Variants in CYB561A3 observed in about 807,000 individuals in gnomAD.
CYB561A3 encodes lysosomal membrane ascorbate-dependent ferrireductase CYB561A3.
In CYB561A3, 16 loss-of-function variants were observed where a neutral mutation model predicts 25.3. The ratio of observed to expected loss-of-function variants is 0.63; its 90% CI spans 0.43 to 0.96. The LOEUF is 0.96. Ranked by LOEUF, CYB561A3 falls within the 40% of genes least tolerant of loss-of-function variation. CYB561A3 has a pLI of 0.00. For missense variants in CYB561A3, 219 were observed against 307.5 expected, an observed-to-expected ratio of 0.71 and a Z score of 2.15; for synonymous variants, 131 against 129.9, an observed-to-expected ratio of 1.01 and a Z score of -0.06.
intron 1 of CYB561A3, chr11:61,361,413 G>A (rs1027985710): frequency 1.3e-5 from 2 of 152,220 alleles, no homozygotes; most frequent in Non-Finnish European, 2.9e-5. Flanking sequence ...TTCAGGCTGT[G>A]CCTAGGTCCG....
intron 1 of CYB561A3, chr11:61,360,183 G>T (rs1180286342): frequency 6.6e-6 from 1 of 152,118 alleles, no homozygotes; most frequent in African/African-American, 2.4e-5. Context: ...AGGCTGAAGT[G>T]AGCCGAGATC....
In CYB561A3 at chr11:61,349,777, A is replaced by G. The variant is rs1857311935; in HGVS notation, c.*622T>C. The stretch of plus-strand genomic sequence containing the variant: ...CACTCCCCCTTTCTGCAATCACCCC[A>G]TGATGTCTCCACCCCACCTCACATC... On this transcript the variant is annotated 3_prime_UTR_variant, in exon 7 of 7. Transcript: ENST00000294072. 1 of 636,802 alleles carries G rather than the reference A, an allele frequency of 1.6e-6. No individual in the cohort carries two copies. Among genetic ancestry groups the G allele is most frequent in the Admixed American group, 2.1e-5 (1 of 46,622 alleles). 39.4% of individuals were successfully genotyped at this position (636,802 alleles called of 1,614,324 possible).
chr11:61,353,272 C>T (rs1350672133), intron 4 of CYB561A3, 133 bp from the exon 5 acceptor site: 8 of 1,161,106 alleles, frequency 6.9e-6, no homozygotes, highest in Middle Eastern at 2.9e-4. Flanking sequence ...CCTGGCATTG[C>T]CCACTACCGT....
chr11:61,349,442 C>T lies in CYB561A3; in HGVS notation c.*957G>A, dbSNP rs1011695426. 4.1e-5 allele frequency: 27 copies of T among 665,226 alleles called. 1 individual carries two copies. The highest frequency in any genetic ancestry group is 1.0e-4 in the Admixed American group (5 of 48,570). 41.2% of individuals were successfully genotyped at this position (665,226 alleles called of 1,614,324 possible). ...AGAGAGCAAGGCCAGACCTGCCCAG[C>T]GGGAGGCAGGAAGGCCCTGATCCAG... On this transcript the variant is annotated 3_prime_UTR_variant, in exon 7 of 7. Transcript: ENST00000294072.
At chr11:61,356,227 T>C (rs1284771028) in intron 3 of CYB561A3, 4 of 356,030 alleles carry the variant, frequency 1.1e-5, no homozygotes, top group Non-Finnish European at 2.1e-5. Flanking sequence ...GCTCTCACAA[T>C]ACAGTGGCAG....
Position 61,350,057 on chromosome 11 carries a change from C to T in CYB561A3, c.*342G>A. ...TCGTGTGAATGGAGGACCTGAGAGGCTGACGCCAAGGAGTGCAGAAGCCAA... is the reference window on the plus strand; with the variant it reads ...TCGTGTGAATGGAGGACCTGAGAGGTTGACGCCAAGGAGTGCAGAAGCCAA... On this transcript the variant is annotated 3_prime_UTR_variant, in exon 7 of 7. Coordinates refer to ENST00000294072, the MANE Select transcript of CYB561A3 (RefSeq NM_153611.6). 1.9e-6 allele frequency: 1 copy of T among 515,622 alleles called. No individual in the cohort carries two copies. The highest frequency in any genetic ancestry group is 2.2e-5 in the South Asian group (1 of 45,380). 31.9% of individuals were successfully genotyped at this position (515,622 alleles called of 1,614,324 possible).
At chr11:61,354,899 C>T (rs1271399888) in intron 3 of CYB561A3, among the ~76,000 whole-genome samples, 3 of 136,852 alleles carry the variant, frequency 2.2e-5, no homozygotes, top group Non-Finnish European at 4.6e-5. Context: ...GACAGAGTCT[C>T]GTTCTATCAT....
chr11:61,360,099 G>A (rs1160491941), intron 1 of CYB561A3: 1 of 151,826 alleles, frequency 6.6e-6, no homozygotes, highest in African/African-American at 2.4e-5. Context: ...AAAATTAGCT[G>A]GGCGTGATGG....
Position 61,350,388 on chromosome 11 carries a change from T to G in CYB561A3, c.*11A>C. ...ACCACCAGGAGCTCTTGGGAGCCCC[T>G]TCCTGCTGCTTCACTCCCCATCATG... On this transcript the variant is annotated 3_prime_UTR_variant, in exon 7 of 7. Coordinates refer to ENST00000294072, the MANE Select transcript of CYB561A3 (RefSeq NM_153611.6). 1 of 1,608,558 alleles carries G rather than the reference T, an allele frequency of 6.2e-7. No individual in the cohort carries two copies. Among genetic ancestry groups the G allele is most frequent in the Non-Finnish European group, 8.5e-7 (1 of 1,177,992 alleles).
rs201730663 is a variant in CYB561A3, at chr11:61,350,098, C to T, written c.*301G>A. 2 of 559,236 alleles carry T rather than the reference C, an allele frequency of 3.6e-6. No homozygotes were observed. The highest frequency in any genetic ancestry group is 6.0e-5 in the East Asian group (2 of 33,066). The allele number at this position is 559,236 out of a possible 1,614,324, so 34.6% of individuals were successfully genotyped here. Reference sequence around the variant, plus strand: ...CAGAAGCCAAAGCCACCAAGGAAAGCAGACAGGCAGCAAGCAGCCAGAGAA... The same window carrying T: ...CAGAAGCCAAAGCCACCAAGGAAAGTAGACAGGCAGCAAGCAGCCAGAGAA... On this transcript the variant is annotated 3_prime_UTR_variant, in exon 7 of 7. Coordinates refer to ENST00000294072, the MANE Select transcript of CYB561A3 (RefSeq NM_153611.6).
At chr11:61,353,695 C>T in intron 4 of CYB561A3, 89 bp downstream of exon 4, 1 of 1,325,354 alleles carries the variant, frequency 7.5e-7, no homozygotes, top group East Asian at 2.4e-5. Flanking sequence ...AAGCAGTGAG[C>T]AGAGGAATAT....
At position 61,356,675 on chromosome 11, in the gene CYB561A3, C is replaced by T; in HGVS notation, c.39G>A (p.Leu13=). The change falls in exon 3 of 7, where the codon CTG becomes CTA. Residue 13 remains leucine, a synonymous_variant. Transcript: ENST00000294072. The part of the protein sequence containing the change: ...SGRFYLSCLL[L]GSLGSMCILF... ...GGATGCACATAGAGCCCAGGGACCCCAGCAGCAGGCAGGACAAGTAGAACC... is the reference window on the plus strand; with the variant it reads ...GGATGCACATAGAGCCCAGGGACCCTAGCAGCAGGCAGGACAAGTAGAACC... 6.2e-7 allele frequency: 1 copy of T among 1,614,202 alleles called. No individual in the cohort carries two copies. Among genetic ancestry groups the T allele is most frequent in the Non-Finnish European group, 8.5e-7 (1 of 1,180,038 alleles).
chr11:61,351,191 C>G, intron 5 of CYB561A3, 44 bp from the exon 6 acceptor site: 1 of 1,561,620 alleles, frequency 6.4e-7, no homozygotes, highest in Non-Finnish European at 8.7e-7. Context: ...GATTTTTCCA[C>G]CTATTTTTGT....
At position 61,352,996 on chromosome 11, in the gene CYB561A3, A is replaced by G. The variant is rs1857488430; in HGVS notation, c.537T>C (p.Leu179=). 1 of 1,614,040 alleles carries G rather than the reference A, an allele frequency of 6.2e-7. No homozygotes were observed. Among genetic ancestry groups the G allele is most frequent in the Non-Finnish European group, 8.5e-7 (1 of 1,180,038 alleles). ...ASVISGINEK[L]FFSLKNTTRP... is the part of the protein sequence containing the mutation. Reference sequence around the variant, plus strand: ...CCCACTGCACTCACAAACTGAAGAAAAGCTTCTCATTAATGCCCGAAATGA... The same window carrying G: ...CCCACTGCACTCACAAACTGAAGAAGAGCTTCTCATTAATGCCCGAAATGA... Residue 179 remains leucine (L), a synonymous_variant, in exon 5 of 7, where the codon CTT becomes CTC. Coordinates refer to ENST00000294072, the MANE Select transcript of CYB561A3 (RefSeq NM_153611.6).
At chr11:61,351,185 T>G (rs780078596) in intron 5 of CYB561A3, 38 bp from the exon 6 acceptor site, 1 of 1,569,334 alleles carries the variant, frequency 6.4e-7, no homozygotes, top group Non-Finnish European at 8.7e-7. Context: ...TCGAGAGATT[T>G]TTCCACCTAT....
intron 1 of CYB561A3, chr11:61,360,499 A>G (rs576094676): frequency 6.6e-6 from 1 of 152,344 alleles, no homozygotes; most frequent in Non-Finnish European, 1.5e-5. Context: ...ATCTTAACAA[A>G]TGAGCACCAC....
chr11:61,361,916 C>T (rs1271810204), upstream of CYB561A3: 1 of 152,348 alleles, frequency 6.6e-6, no homozygotes, highest in Non-Finnish European at 1.5e-5. Flanking sequence ...TTCTTATAGG[C>T]TCGCAGCACT....
At chr11:61,351,334 G>GGCTGGAGT in intron 5 of CYB561A3, 187 bp from the exon 6 acceptor site, 1 of 596,262 alleles carries the variant, frequency 1.7e-6, no homozygotes, top group South Asian at 2.8e-5. Context: ...CTGTCACCCG[G>GGCTGGAGT]GCTGGAGTGC....
intron 3 of CYB561A3, among the ~76,000 whole-genome samples, chr11:61,355,393 T>C (rs1223087271): frequency 1.3e-5 from 2 of 151,990 alleles, no homozygotes; most frequent in East Asian, 3.9e-4. Flanking sequence ...CAAAGATGGA[T>C]CCCAGGTTGG....
Sources: allele counts gnomAD v4.1 joint callset (sites outside exome capture counted in the v4.1 genomes callset), GRCh38; gene constraint gnomAD v4.1.1; transcripts MANE v1.5; gene names NCBI Gene and HGNC (gene_info 2026-07-23, HGNC 2026-07-21).